Variants in SI observed in about 807,000 individuals in gnomAD.
SI encodes the protein sucrase-isomaltase, also known as sucrase-isomaltase, intestinal.
Under a neutral mutation model 253.3 loss-of-function variants are expected in SI, and 235 were observed. The observed-to-expected ratio is 0.93, with a 90% CI of 0.83 to 1.03. The LOEUF (loss-of-function observed/expected upper bound fraction) is 1.03. Ranked by LOEUF, SI falls within the 50% of genes least tolerant of loss-of-function variation. The pLI is 0.00. For missense variants in SI, 2,442 were observed against 2,211.1 expected, an observed-to-expected ratio of 1.10 and a Z score of -2.09; for synonymous variants, 819 against 712.0, an observed-to-expected ratio of 1.15 and a Z score of -2.39.
intron 25 of SI, 113 bp downstream of exon 25, chr3:165,030,599 A>G: frequency 9.1e-7 from 1 of 1,093,202 alleles, no homozygotes; most frequent in South Asian, 1.4e-5. Context: ...CCAAATGATT[A>G]TCTACTTGAA....
chr3:165,067,313 T>C (rs1355613113), intron 6 of SI, 27 bp downstream of exon 6: 4 of 1,465,962 alleles, frequency 2.7e-6, no homozygotes, highest in Admixed American at 1.7e-5. Context: ...AGAATAAACT[T>C]ATATAATTGT....
At chr3:165,052,663 C>CA (rs199830465) in intron 13 of SI, among the ~76,000 whole-genome samples, 3,069 of 149,928 alleles carry the variant, frequency 0.02, 93 homozygotes, top group African/African-American at 0.07. Context: ...TCTCAAAAAA[C>CA]AAAAAAAAAT....
At chr3:164,982,473 A>C in intron 46 of SI, 63 bp from the exon 47 acceptor site, 1 of 1,279,998 alleles carries the variant, frequency 7.8e-7, no homozygotes, top group East Asian at 2.4e-5. Flanking sequence ...AAAACTTTAA[A>C]AATATGTCGG....
At chr3:165,046,064 C>G (rs1164776948) in intron 16 of SI, among the ~76,000 whole-genome samples, 1 of 151,846 alleles carries the variant, frequency 6.6e-6, no homozygotes, top group African/African-American at 2.4e-5. Context: ...CTCCTGACCT[C>G]AAGTGATCCA....
chr3:164,987,304 G>A, intron 44 of SI, 78 bp from the exon 45 acceptor site: 1 of 1,153,322 alleles, frequency 8.7e-7, no homozygotes, highest in East Asian at 2.4e-5. Flanking sequence ...ATCCACATAA[G>A]GATCTATAGG....
intron 47 of SI, among the ~76,000 whole-genome samples, chr3:164,980,318 A>T (rs1717118818): frequency 6.6e-6 from 1 of 151,810 alleles, no homozygotes; most frequent in South Asian, 2.1e-4. Flanking sequence ...TTGTAACAAA[A>T]CTTAAACTAT....
Position 165,021,327 on chromosome 3 carries a change from G to T in SI, c.3156C>A (p.Thr1052=), listed in dbSNP as rs751262158. Residue 1052 remains threonine, a synonymous_variant, in exon 27 of 48, where the codon ACC becomes ACA. Transcript: ENST00000264382. ...YEVPVPLNIP[T]TPISTYEDRL... is the part of the protein sequence containing the mutation. ...TGTCTTCATAAGTACTTATTGGGGT[G>T]GTTGGAATGTTTAACGGTACTGGTA... The T allele has an allele frequency of 8.1e-6, 13 of 1,610,636 alleles. No individual in the cohort carries two copies. The highest frequency in any genetic ancestry group is 1.1e-5 in the Non-Finnish European group (13 of 1,177,542).
chr3:165,025,565 T>G (rs898807500), intron 25 of SI, among the ~76,000 whole-genome samples: 6 of 151,108 alleles, frequency 4.0e-5, no homozygotes, highest in Non-Finnish European at 7.4e-5. Flanking sequence ...TATCTAAAGT[T>G]AAGATGAAGG....
rs1712178533 is a variant in SI at position 165,030,657 on chromosome 3, A to G, written c.2892+55T>C. ...TAAAATTATAATATGTAAAATTTGC[A>G]CCAAAATGCTTATGTGATAACCATA... On this transcript the variant is annotated intron_variant, in intron 25 of 47. Coordinates refer to ENST00000264382, the MANE Select transcript of SI (RefSeq NM_001041.4). 5.2e-6 allele frequency: 8 copies of G among 1,548,236 alleles called. No homozygotes were observed. The African/African-American group carries it at 5.5e-5, about 11-fold the overall frequency.
chr3:165,059,238 A>G lies in SI; in HGVS notation c.1208T>C (p.Val403Ala). Reference protein sequence around the residue: ...EDKKDFTYDQVAFNGLPQFVQ... With the variant: ...EDKKDFTYDQAAFNGLPQFVQ... The stretch of plus-strand genomic sequence containing the variant: ...AAATTGAGGGAGTCCGTTAAACGCA[A>G]CTTGATCATAAGTAAAGTCTTTCTT... The change falls in exon 11 of 48, where the codon GTT becomes GCT. Residue 403 changes from valine to alanine, a missense_variant. By Grantham distance (64) the Val-to-Ala change is moderately conservative (BLOSUM62 0). Coordinates refer to ENST00000264382, the MANE Select transcript of SI (RefSeq NM_001041.4). The G allele has an allele frequency of 6.2e-7, 1 of 1,612,738 alleles. No homozygotes were observed. Among genetic ancestry groups the G allele is most frequent in the Non-Finnish European group, 8.5e-7 (1 of 1,179,172 alleles).
chr3:165,069,113 C>A lies in SI; in HGVS notation c.338G>T (p.Gly113Val). 6.2e-7 allele frequency: 1 copy of A among 1,612,548 alleles called. No individual in the cohort carries two copies. The highest frequency in any genetic ancestry group is 8.5e-7 in the Non-Finnish European group (1 of 1,178,850). The change falls in exon 4 of 48, where the codon GGT (glycine) becomes GTT (valine). Residue 113 changes from glycine (G) to valine (V), a missense_variant. Coordinates refer to ENST00000264382, the MANE Select transcript of SI (RefSeq NM_001041.4). ...IPWCFFVDNH[G>V]YNVQDMTTTS... ...TGTTGTCATGTCTTGAACGTTATAACCATGATTATCAACGAAGAAGCACCA... is the reference window on the plus strand; with the variant it reads ...TGTTGTCATGTCTTGAACGTTATAAACATGATTATCAACGAAGAAGCACCA...
intron 3 of SI, among the ~76,000 whole-genome samples, chr3:165,073,006 T>G (rs2108109909): frequency 6.6e-6 from 1 of 152,234 alleles, no homozygotes; most frequent in Admixed American, 6.6e-5. Flanking sequence ...TATAGTTTAT[T>G]TCACACTGAA....
At chr3:165,033,351 G>C in intron 23 of SI, 44 bp downstream of exon 23, 7 of 1,498,354 alleles carry the variant, frequency 4.7e-6, no homozygotes, top group Non-Finnish European at 6.3e-6. Context: ...ACCTAGGCAT[G>C]AACAAATTAT....
intron 13 of SI, among the ~76,000 whole-genome samples, chr3:165,050,602 T>G (rs1713377432): frequency 6.6e-6 from 1 of 152,110 alleles, no homozygotes; most frequent in South Asian, 2.1e-4. Context: ...TATAAAATCA[T>G]ATATCACAGT....
chr3:165,057,693 G>T (rs1713762336), intron 12 of SI, among the ~76,000 whole-genome samples: 1 of 149,096 alleles, frequency 6.7e-6, no homozygotes, highest in Non-Finnish European at 1.5e-5. Flanking sequence ...TATTTAAAAT[G>T]CTGTAGAGAA....
chr3:165,043,818 C>A (rs1290343004), intron 16 of SI, among the ~76,000 whole-genome samples: 1 of 151,898 alleles, frequency 6.6e-6, no homozygotes, highest in Non-Finnish European at 1.5e-5. Flanking sequence ...GTATAAATGA[C>A]ATGTTGTATG....
intron 37 of SI, among the ~76,000 whole-genome samples, chr3:165,004,375 A>G (rs546841239): frequency 6.6e-6 from 1 of 152,270 alleles, no homozygotes; most frequent in Admixed American, 6.5e-5. Flanking sequence ...TACAACCACT[A>G]TGAAGAGCAG....
chr3:165,024,998 C>G (rs1711830558), intron 25 of SI, among the ~76,000 whole-genome samples: 1 of 151,222 alleles, frequency 6.6e-6, no homozygotes, highest in Non-Finnish European at 1.5e-5. Context: ...ATCATTTCTT[C>G]CATTCTAAAT....
chr3:165,067,781 T>C (rs945280741), intron 5 of SI, among the ~76,000 whole-genome samples: 34 of 151,930 alleles, frequency 2.2e-4, no homozygotes, highest in African/African-American at 8.2e-4. Flanking sequence ...CAAATATTGA[T>C]TACAGAATAT....
Sources: gnomAD v4.1 joint callset for allele counts (sites outside exome capture counted in the v4.1 genomes callset) on GRCh38, gnomAD v4.1.1 for gene constraint, MANE v1.5 for transcripts, NCBI Gene and HGNC (gene_info 2026-07-23, HGNC 2026-07-21) for gene names.